Variants in STK3 observed in about 807,000 individuals in gnomAD.
STK3 encodes serine/threonine kinase 3.
Under a neutral mutation model 58.0 loss-of-function variants are expected in STK3, and 41 were observed. That is an observed-to-expected ratio of 0.71 (90% CI 0.55 to 0.92). The LOEUF is 0.92. Among genes scored for constraint, STK3 ranks in the 40% least tolerant of loss-of-function variants. The pLI, the probability that STK3 is intolerant of heterozygous loss-of-function variation, is 0.00. For missense variants in STK3, 479 were observed against 602.7 expected, an observed-to-expected ratio of 0.79 and a Z score of 2.15; for synonymous variants, 170 against 191.0, an observed-to-expected ratio of 0.89 and a Z score of 0.91.
intron 4 of STK3, among the ~76,000 whole-genome samples, chr8:98,712,110 C>T (rs1352718861): frequency 6.6e-6 from 1 of 152,164 alleles, no homozygotes; most frequent in African/African-American, 2.4e-5. Context: ...ACCAGGCCTG[C>T]CCTAAAAGAG....
intron 6 of STK3, among the ~76,000 whole-genome samples, chr8:98,650,423 G>C (rs1820790765): frequency 6.6e-6 from 1 of 152,236 alleles, no homozygotes; most frequent in Non-Finnish European, 1.5e-5. Context: ...ACAGAAGATG[G>C]GTGATTTCTA....
At chr8:98,533,541 G>A (rs1809497401) in intron 9 of STK3, among the ~76,000 whole-genome samples, 1 of 152,170 alleles carries the variant, frequency 6.6e-6, no homozygotes, top group South Asian at 2.1e-4. Context: ...ATGCTGGAGT[G>A]CAGTGGCATG....
intron 6 of STK3, among the ~76,000 whole-genome samples, chr8:98,621,674 A>G (rs1818336780): frequency 6.6e-6 from 1 of 152,072 alleles, no homozygotes; most frequent in African/African-American, 2.4e-5. Context: ...TAGTCTGTTA[A>G]TATGGTGCAT....
intron 1 of STK3, among the ~76,000 whole-genome samples, chr8:98,781,143 AAGG>A (rs1425596302): frequency 6.6e-6 from 1 of 152,212 alleles, no homozygotes; most frequent in African/African-American, 2.4e-5. Context: ...TCCCCAAGAG[AAGG>A]AGAAGAAATA....
In STK3 at chr8:98,858,311, TATATATATATATAG is replaced by T. The variant is rs1242120817; in HGVS notation, c.110+25322_110+25335del. Among the ~76,000 whole-genome samples the T allele has an allele frequency of 1.6e-4, 11 of 70,050 alleles. No individual in the cohort carries two copies. The South Asian group carries it at 2.5e-3, about 16-fold the overall frequency. 46.0% of individuals were successfully genotyped at this position (70,050 alleles called of 152,430 possible). ...ATACGTATATATATATATATATATA[TATATATATATATAG>T]AGAGAGAGAGAGAGAGAGAGAGAGA... On this transcript the variant is annotated intron_variant, in intron 3 of 12. Coordinates refer to the STK3 transcript ENST00000523601.
chr8:98,429,534 C>T, intron 3 of STK3: 1 of 692,788 alleles, frequency 1.4e-6, no homozygotes. Flanking sequence ...GGGAGAGATG[C>T]ATGGGATATG....
chr8:98,816,117 C>T (rs909301829), intron 1 of STK3, among the ~76,000 whole-genome samples: 1 of 152,086 alleles, frequency 6.6e-6, no homozygotes, highest in African/African-American at 2.4e-5. Context: ...AAGCAATCAG[C>T]AAAATCCAAC....
intron 10 of STK3, among the ~76,000 whole-genome samples, chr8:98,486,723 A>C (rs1822294322): frequency 6.6e-6 from 1 of 152,204 alleles, no homozygotes; most frequent in African/African-American, 2.4e-5. Context: ...CTCAGGAAAC[A>C]ATACTTGAAA....
intron 1 of STK3, among the ~76,000 whole-genome samples, chr8:98,384,127 C>G (rs1817766046): frequency 6.6e-6 from 1 of 152,216 alleles, no homozygotes; most frequent in Non-Finnish European, 1.5e-5. Flanking sequence ...ACCATACAGG[C>G]CACATCCTCA....
intron 1 of STK3, among the ~76,000 whole-genome samples, chr8:98,381,735 C>T (rs1207440664): frequency 2.0e-5 from 3 of 152,120 alleles, no homozygotes; most frequent in Non-Finnish European, 4.4e-5. Context: ...ACTCACTTAA[C>T]CTAAAGTCAA....
intron 1 of STK3, among the ~76,000 whole-genome samples, chr8:98,920,827 G>A (rs1454376023): frequency 2.0e-5 from 3 of 152,254 alleles, no homozygotes; most frequent in Non-Finnish European, 4.4e-5. Flanking sequence ...TGCCTTGTCA[G>A]GGTCCAGGTT....
chr8:98,734,699 G>A (rs1057387278), intron 4 of STK3, among the ~76,000 whole-genome samples: 5 of 151,980 alleles, frequency 3.3e-5, no homozygotes, highest in African/African-American at 7.2e-5. Flanking sequence ...TAAATGTTTC[G>A]AGATGTTTAA....
chr8:98,649,220 T>G (rs1022795007), intron 6 of STK3, among the ~76,000 whole-genome samples: 5 of 151,524 alleles, frequency 3.3e-5, no homozygotes, highest in African/African-American at 9.7e-5. Flanking sequence ...TAATTTGTAG[T>G]TTTTTTTAAT....
chr8:98,529,315 T>C (rs1283336547), intron 9 of STK3, among the ~76,000 whole-genome samples: 1 of 152,110 alleles, frequency 6.6e-6, no homozygotes, highest in Non-Finnish European at 1.5e-5. Flanking sequence ...AACTGACAGG[T>C]AAACGTCCTA....
intron 10 of STK3, among the ~76,000 whole-genome samples, chr8:98,468,176 A>C (rs1346033542): frequency 2.0e-5 from 3 of 152,236 alleles, no homozygotes; most frequent in African/African-American, 7.2e-5. Context: ...TAAAACAATA[A>C]AACTCAAAAT....
intron 6 of STK3, among the ~76,000 whole-genome samples, chr8:98,698,016 C>A (rs530579580): frequency 1.3e-5 from 2 of 152,256 alleles, no homozygotes; most frequent in African/African-American, 2.4e-5. Context: ...ATGTAGGTCA[C>A]TCAGGACTTG....
chr8:98,571,151 T>G (rs1297213641), intron 8 of STK3, among the ~76,000 whole-genome samples: 1 of 151,986 alleles, frequency 6.6e-6, no homozygotes, highest in Non-Finnish European at 1.5e-5. Context: ...CCAACATGGC[T>G]AAACCTTGTC....
chr8:98,850,494 C>T (rs968504240), intron 3 of STK3, among the ~76,000 whole-genome samples: 6 of 152,112 alleles, frequency 3.9e-5, no homozygotes, highest in Non-Finnish European at 7.3e-5. Context: ...GGCTTACAAG[C>T]GCACAGCACA....
chr8:98,564,042 G>A (rs1335643215), intron 8 of STK3, among the ~76,000 whole-genome samples: 1 of 152,090 alleles, frequency 6.6e-6, no homozygotes, highest in Non-Finnish European at 1.5e-5. Flanking sequence ...AACATGACAT[G>A]CTACCTCAGT....
Sources: allele counts gnomAD v4.1 joint callset (sites outside exome capture counted in the v4.1 genomes callset), GRCh38; gene constraint gnomAD v4.1.1; transcripts MANE v1.5; gene names NCBI Gene and HGNC (gene_info 2026-07-23, HGNC 2026-07-21).